The following CNTNAP2 variants were observed in gnomAD, a reference collection of about 807,000 sequenced individuals.
CNTNAP2 encodes the protein contactin associated protein 2.
CNTNAP2 carries 98 observed loss-of-function variants against 155.2 expected under a neutral mutation model. The ratio of observed to expected loss-of-function variants is 0.63; its 90% CI spans 0.54 to 0.75. The LOEUF is 0.75. Ranked by LOEUF, CNTNAP2 falls within the 30% of genes least tolerant of loss-of-function variation. The pLI, the probability that CNTNAP2 is intolerant of heterozygous loss-of-function variation, is 0.00. For missense variants in CNTNAP2, 1,727 were observed against 1,688.1 expected, an observed-to-expected ratio of 1.02 and a Z score of -0.40; for synonymous variants, 651 against 631.2, an observed-to-expected ratio of 1.03 and a Z score of -0.47.
chr7:148,134,219 G>T (rs770875441), intron 16 of CNTNAP2, among the ~76,000 whole-genome samples: 2 of 152,170 alleles, frequency 1.3e-5, no homozygotes, highest in Non-Finnish European at 2.9e-5. Flanking sequence ...GAACTGATGC[G>T]AATGCCAACT....
At chr7:148,412,379 T>C (rs1799862588) in intron 23 of CNTNAP2, among the ~76,000 whole-genome samples, 1 of 152,272 alleles carries the variant, frequency 6.6e-6, no homozygotes, top group Non-Finnish European at 1.5e-5. Context: ...ATATTTAGTA[T>C]TTCTATCTTT....
chr7:146,454,448 T>A (rs182673980), intron 1 of CNTNAP2, among the ~76,000 whole-genome samples: 222 of 152,278 alleles, frequency 1.5e-3, no homozygotes, highest in African/African-American at 5.2e-3. Context: ...GATGGTCAAC[T>A]GACTCACCTT....
At chr7:147,241,796 C>G (rs893469090) in intron 8 of CNTNAP2, among the ~76,000 whole-genome samples, 2 of 152,174 alleles carry the variant, frequency 1.3e-5, no homozygotes, top group South Asian at 2.1e-4. Flanking sequence ...TCTAGAATTG[C>G]TAGATAAAAT....
At chr7:147,603,273 A>G (rs1800991437) in intron 12 of CNTNAP2, among the ~76,000 whole-genome samples, 1 of 152,110 alleles carries the variant, frequency 6.6e-6, no homozygotes, top group Non-Finnish European at 1.5e-5. Flanking sequence ...TTTTGGCTGC[A>G]TAAATGTCTT....
At chr7:146,932,853 A>T (rs937106944) in intron 3 of CNTNAP2, among the ~76,000 whole-genome samples, 4 of 152,000 alleles carry the variant, frequency 2.6e-5, no homozygotes, top group Admixed American at 6.6e-5. Flanking sequence ...TCAAAGAAAA[A>T]AAAATACCTA....
intron 20 of CNTNAP2, among the ~76,000 whole-genome samples, chr7:148,243,448 A>G (rs189375540): frequency 1.1e-4 from 16 of 152,178 alleles, no homozygotes; most frequent in African/African-American, 3.9e-4. Context: ...AGACTGCGTA[A>G]TTTACAAAAG....
intron 18 of CNTNAP2, among the ~76,000 whole-genome samples, chr7:148,186,548 T>G (rs1380057285): frequency 1.3e-5 from 2 of 152,202 alleles, no homozygotes; most frequent in Admixed American, 6.5e-5. Context: ...TCTTCCTATT[T>G]GAGCATTTCA....
At position 146,812,482 on chromosome 7, in the gene CNTNAP2, G is replaced by T. The variant is rs188501671; in HGVS notation, c.209-27229G>T. ...TATATATTTATACTTTAAGTTCTAGGGTACATGTGCACAACATGCCAGTTT... is the reference window on the plus strand; with the variant it reads ...TATATATTTATACTTTAAGTTCTAGTGTACATGTGCACAACATGCCAGTTT... On this transcript the variant is annotated intron_variant, in intron 2 of 23. Transcript: ENST00000361727. Among the ~76,000 whole-genome samples, 1,134 of 147,676 alleles carry T rather than the reference G, an allele frequency of 7.7e-3. 9 individuals are homozygous for T. Among genetic ancestry groups the T allele is most frequent in the Middle Eastern group, 0.032 (9 of 280 alleles).
At chr7:146,668,852 C>T (rs927260012) in intron 1 of CNTNAP2, among the ~76,000 whole-genome samples, 1 of 151,910 alleles carries the variant, frequency 6.6e-6, no homozygotes, top group Non-Finnish European at 1.5e-5. Context: ...TATGATGCCT[C>T]CTTTTTCATT....
chr7:146,650,154 A>G (rs1690987498), intron 1 of CNTNAP2, among the ~76,000 whole-genome samples: 1 of 152,190 alleles, frequency 6.6e-6, no homozygotes, highest in South Asian at 2.1e-4. Context: ...TCAAGGATCT[A>G]GAACCAGAAA....
chr7:146,536,949 C>T (rs1479987450), intron 1 of CNTNAP2, among the ~76,000 whole-genome samples: 4 of 151,750 alleles, frequency 2.6e-5, no homozygotes, highest in Admixed American at 2.6e-4. Flanking sequence ...TAAAATAATC[C>T]CAAATATGAA....
rs564049202 is a variant in CNTNAP2 at position 147,323,793 on chromosome 7, T to A, written c.1498+23503T>A. On this transcript the variant is annotated intron_variant, in intron 9 of 23. Coordinates refer to ENST00000361727, the MANE Select transcript of CNTNAP2 (RefSeq NM_014141.6). Reference sequence around the variant, plus strand: ...TATTTAGAGTAGTAAAATTAGTTTTTTAAGCAATAGAATATTTTTTAATTA... The same window carrying A: ...TATTTAGAGTAGTAAAATTAGTTTTATAAGCAATAGAATATTTTTTAATTA... Among the ~76,000 whole-genome samples, 16 of 152,336 alleles carry A rather than the reference T, an allele frequency of 1.1e-4. No individual in the cohort carries two copies. In the South Asian group the frequency reaches 3.3e-3, roughly 32 times the overall value.
At chr7:146,423,112 ATTCCT>A (rs1160882565) in intron 1 of CNTNAP2, among the ~76,000 whole-genome samples, 1 of 152,020 alleles carries the variant, frequency 6.6e-6, no homozygotes, top group East Asian at 1.9e-4. Flanking sequence ...TTTATTTTAC[ATTCCT>A]TTCTTTCCAG....
At chr7:146,844,067 T>C (rs1308020174) in intron 3 of CNTNAP2, among the ~76,000 whole-genome samples, 2 of 152,122 alleles carry the variant, frequency 1.3e-5, no homozygotes, top group African/African-American at 4.8e-5. Context: ...TAATTTTTTA[T>C]AGTATTCTTA....
intron 13 of CNTNAP2, among the ~76,000 whole-genome samples, chr7:147,860,381 A>G (rs1279448122): frequency 6.6e-6 from 1 of 152,072 alleles, no homozygotes; most frequent in Non-Finnish European, 1.5e-5. Flanking sequence ...CAGAGAACAC[A>G]CCACTGCACT....
chr7:147,483,494 A>AT (rs1423988514), intron 10 of CNTNAP2, among the ~76,000 whole-genome samples: 1 of 151,960 alleles, frequency 6.6e-6, no homozygotes, highest in Admixed American at 6.6e-5. Context: ...CATCGAGATG[A>AT]TTTTCTACTC....
intron 16 of CNTNAP2, among the ~76,000 whole-genome samples, chr7:148,126,649 T>C (rs1033160029): frequency 2.0e-5 from 3 of 152,102 alleles, no homozygotes; most frequent in Non-Finnish European, 4.4e-5. Flanking sequence ...TATGTCACTG[T>C]TGAGGTCATC....
chr7:146,129,703 C>A (rs1797687586), intron 1 of CNTNAP2, among the ~76,000 whole-genome samples: 1 of 152,184 alleles, frequency 6.6e-6, no homozygotes, highest in Admixed American at 6.5e-5. Context: ...CCATTTAATT[C>A]TATGCTTCTA....
At chr7:147,325,096 A>G (rs1795427723) in intron 9 of CNTNAP2, among the ~76,000 whole-genome samples, 1 of 152,148 alleles carries the variant, frequency 6.6e-6, no homozygotes, top group East Asian at 1.9e-4. Flanking sequence ...TGAGGTCAGG[A>G]GTTCAAGACC....
Sources: allele counts gnomAD v4.1 joint callset (sites outside exome capture counted in the v4.1 genomes callset), GRCh38; gene constraint gnomAD v4.1.1; transcripts MANE v1.5; gene names NCBI Gene and HGNC (gene_info 2026-07-23, HGNC 2026-07-21).